Variants in NOXRED1 observed in about 807,000 individuals in gnomAD.
NOXRED1 encodes the protein NADP dependent oxidoreductase domain containing 1, also known as NADP-dependent oxidoreductase domain-containing protein 1.
A neutral mutation model predicts 30.4 loss-of-function variants in NOXRED1; 20 were observed. The observed-to-expected ratio is 0.66, with a 90% CI of 0.46 to 0.96. The LOEUF (loss-of-function observed/expected upper bound fraction) is 0.96, where lower values mean the gene tolerates loss of function less well. Among genes scored for constraint, NOXRED1 ranks in the 40% least tolerant of loss-of-function variants. NOXRED1 has a pLI of 0.00. For missense variants in NOXRED1, 374 were observed against 428.0 expected, an observed-to-expected ratio of 0.87 and a Z score of 1.11; for synonymous variants, 155 against 168.0, an observed-to-expected ratio of 0.92 and a Z score of 0.60.
chr14:77,423,665 T>A (rs915430817), upstream of NOXRED1: 10 of 152,198 alleles, frequency 6.6e-5, no homozygotes, highest in Non-Finnish European at 1.3e-4. Context: ...TTCCTTCCAC[T>A]ATTTCTAGGA....
In NOXRED1 at chr14:77,422,784, C is replaced by T. The variant is rs1020842258; in HGVS notation, c.106G>A (p.Glu36Lys). 8.1e-6 allele frequency: 13 copies of T among 1,613,992 alleles called. No homozygotes were observed. The highest frequency in any genetic ancestry group is 1.0e-5 in the Non-Finnish European group (12 of 1,179,976). ...LQGRSRGLMI[E>K]ACAHATFFCK... ...AAGAAGGTTGCATGGGCACAAGCCT[C>T]GATCATCAGTCCCCGAGAACGGCCC... is the stretch of plus-strand genomic sequence containing the variant. Residue 36 changes from glutamate (E) to lysine (K), a missense_variant, in exon 1 of 6, where the codon GAG becomes AAG. Physicochemically the swap from Glu to Lys is moderately conservative, Grantham distance 56. Transcript: ENST00000380835.
Position 77,396,198 on chromosome 14 carries a change from G to A in NOXRED1, c.906-1393C>T, listed in dbSNP as rs142139033. On this transcript the variant is annotated intron_variant, in intron 5 of 5. Coordinates refer to ENST00000380835, the MANE Select transcript of NOXRED1 (RefSeq NM_001113475.3). ...ACATTGGAAAGGAAGAAATGAAACC[G>A]TCTCTATTTATACATGACATTATTA... 4.5e-3 allele frequency among the ~76,000 whole-genome samples: 687 copies of A among 151,138 alleles called. 3 individuals carry two copies. The highest frequency in any genetic ancestry group is 6.3e-3 in the Non-Finnish European group (430 of 67,896).
chr14:77,401,262 C>CT (rs1329904259), intron 5 of NOXRED1, among the ~76,000 whole-genome samples: 2 of 151,966 alleles, frequency 1.3e-5, no homozygotes, highest in Non-Finnish European at 2.9e-5. Context: ...ATCCCAGCTA[C>CT]TGGGGAGGCT....
At chr14:77,404,714 C>T (rs945461508) in intron 5 of NOXRED1, among the ~76,000 whole-genome samples, 4 of 151,734 alleles carry the variant, frequency 2.6e-5, no homozygotes, top group African/African-American at 9.7e-5. Context: ...AAGGAGGGGC[C>T]GGGGAGTCAG....
chr14:77,415,631 T>TAGATAGACAGAC (rs1555363632), intron 1 of NOXRED1, among the ~76,000 whole-genome samples: 2,153 of 141,310 alleles, frequency 0.015, 20 homozygotes, highest in East Asian at 0.051. Context: ...GATAGATAGA[T>TAGATAGACAGAC]AGACAGACAG....
intron 5 of NOXRED1, among the ~76,000 whole-genome samples, chr14:77,395,401 C>T (rs1292766596): frequency 6.6e-6 from 1 of 151,964 alleles, no homozygotes; most frequent in Non-Finnish European, 1.5e-5. Context: ...CCACTGCGCC[C>T]GGCTGCAGAA....
At chr14:77,403,387 A>AG (rs1894376477) in intron 5 of NOXRED1, among the ~76,000 whole-genome samples, 1 of 152,248 alleles carries the variant, frequency 6.6e-6, no homozygotes, top group Non-Finnish European at 1.5e-5. Flanking sequence ...ATCAATTTAT[A>AG]GCTAATCTTT....
chr14:77,417,532 C>T (rs1894864184), intron 1 of NOXRED1, among the ~76,000 whole-genome samples: 1 of 152,208 alleles, frequency 6.6e-6, no homozygotes, highest in Non-Finnish European at 1.5e-5. Context: ...CATTCTTTGT[C>T]TCTCATGACA....
rs1227354203 is a variant in NOXRED1 at position 77,423,281 on chromosome 14, C to T, written c.-392G>A. Among the ~76,000 whole-genome samples, 6 of 152,126 alleles carry T rather than the reference C, an allele frequency of 3.9e-5. No individual in the cohort carries two copies. The highest frequency in any genetic ancestry group is 7.2e-5 in the African/African-American group (3 of 41,416). The stretch of plus-strand genomic sequence containing the variant: ...ACGTTTTCCCTTCCATTCCCTCCTG[C>T]GTTTTGGAAATAGGACTGAACACAT... On this transcript the variant is annotated 5_prime_UTR_variant, in exon 1 of 6. Coordinates refer to ENST00000380835, the MANE Select transcript of NOXRED1 (RefSeq NM_001113475.3).
intron 5 of NOXRED1, among the ~76,000 whole-genome samples, chr14:77,400,465 C>T (rs532452897): frequency 6.5e-4 from 99 of 152,220 alleles, no homozygotes; most frequent in Non-Finnish European, 1.2e-3. Context: ...CCAAGGTAGT[C>T]GGGGCACAGC....
chr14:77,401,990 G>GA (rs942827314), intron 5 of NOXRED1, among the ~76,000 whole-genome samples: 1 of 152,072 alleles, frequency 6.6e-6, no homozygotes, highest in African/African-American at 2.4e-5. Flanking sequence ...ATGCAAAAAA[G>GA]AAAAAATGAA....
chr14:77,420,903 T>G (rs1386653520), intron 1 of NOXRED1, among the ~76,000 whole-genome samples: 1 of 152,194 alleles, frequency 6.6e-6, no homozygotes. Context: ...TTTGCCTGTT[T>G]CTATTGCAGG....
chr14:77,422,929 A>C lies in NOXRED1; in HGVS notation c.-40T>G. 6.4e-7 allele frequency: 1 copy of C among 1,574,258 alleles called. No individual in the cohort carries two copies. On this transcript the variant is annotated 5_prime_UTR_variant, in exon 1 of 6. Transcript: ENST00000380835. ...TTCCTGCAGTGATAGACACTAATCA[A>C]TTTGGCTCCCTGTCCCGGTAGAAGA...
intron 1 of NOXRED1, among the ~76,000 whole-genome samples, chr14:77,421,624 C>CTTT (rs1894994450): frequency 6.6e-6 from 1 of 152,196 alleles, no homozygotes; most frequent in South Asian, 2.1e-4. Flanking sequence ...AACTGAGAAA[C>CTTT]TAAGGATGAA....
intron 1 of NOXRED1, among the ~76,000 whole-genome samples, chr14:77,416,814 G>A (rs1261000832): frequency 2.0e-5 from 3 of 151,626 alleles, no homozygotes; most frequent in African/African-American, 4.8e-5. Context: ...CGGACAGGGC[G>A]GCTGGCCGGG....
rs1555363632 is a variant in NOXRED1 at position 77,415,631 on chromosome 14, T to TAGATAGATAGAC, written c.156-1505_156-1504insGTCTATCTATCT. 2.7e-3 allele frequency among the ~76,000 whole-genome samples: 384 copies of TAGATAGATAGAC among 141,380 alleles called. 2 individuals carry two copies. Among genetic ancestry groups the TAGATAGATAGAC allele is most frequent in the South Asian group, 4.9e-3 (21 of 4,288 alleles). 92.8% of individuals were successfully genotyped at this position (141,380 alleles called of 152,430 possible). On this transcript the variant is annotated intron_variant, in intron 1 of 5. Transcript: ENST00000380835. Reference sequence around the variant, plus strand: ...ATAGATAGATAGATAGATAGATAGATAGACAGACAGACAGACATATAGATA... The same window carrying TAGATAGATAGAC: ...ATAGATAGATAGATAGATAGATAGATAGATAGATAGACAGACAGACAGACAGACATATAGATA...
chr14:77,412,011 C>T (rs1208767302), intron 2 of NOXRED1, among the ~76,000 whole-genome samples: 1 of 148,724 alleles, frequency 6.7e-6, no homozygotes, highest in African/African-American at 2.5e-5. Context: ...GGGAGAATCG[C>T]TTGAACCCGG....
At chr14:77,416,519 G>A (rs1206734062) in intron 1 of NOXRED1, among the ~76,000 whole-genome samples, 2 of 152,172 alleles carry the variant, frequency 1.3e-5, no homozygotes, top group Non-Finnish European at 2.9e-5. Context: ...AGGGTTGGGG[G>A]TAAGGTCACC....
At chr14:77,418,906 T>C (rs1894907081) in intron 1 of NOXRED1, among the ~76,000 whole-genome samples, 1 of 152,196 alleles carries the variant, frequency 6.6e-6, no homozygotes, top group Non-Finnish European at 1.5e-5. Context: ...TATATGGCTA[T>C]ATATTCACCT....
Sources: gnomAD v4.1 joint callset for allele counts (sites outside exome capture counted in the v4.1 genomes callset) on GRCh38, gnomAD v4.1.1 for gene constraint, MANE v1.5 for transcripts, NCBI Gene and HGNC (gene_info 2026-07-23, HGNC 2026-07-21) for gene names.